SCAPER: variants seen among roughly 807,000 people sequenced by gnomAD.
The protein encoded by SCAPER is S phase cyclin A-associated protein in the endoplasmic reticulum.
Under a neutral mutation model 182.2 loss-of-function variants are expected in SCAPER, and 98 were observed. The observed-to-expected ratio is 0.54, with a 90% CI of 0.46 to 0.64. The LOEUF (loss-of-function observed/expected upper bound fraction) is 0.64, where lower values mean the gene tolerates loss of function less well. SCAPER is among the 30% of genes least tolerant of loss of function. The pLI is 0.00. For missense variants in SCAPER, 1,432 were observed against 1,690.0 expected, an observed-to-expected ratio of 0.85 and a Z score of 2.68; for synonymous variants, 605 against 564.6, an observed-to-expected ratio of 1.07 and a Z score of -1.01.
intron 8 of SCAPER, among the ~76,000 whole-genome samples, chr15:76,787,175 T>A (rs2064672430): frequency 6.6e-6 from 1 of 152,078 alleles, no homozygotes; most frequent in Admixed American, 6.5e-5. Flanking sequence ...GGACCTAAAA[T>A]AGCTAAAAAC....
chr15:76,393,281 G>A (rs1005685613), intron 27 of SCAPER, among the ~76,000 whole-genome samples: 1 of 152,202 alleles, frequency 6.6e-6, no homozygotes, highest in African/African-American at 2.4e-5. Flanking sequence ...ACTCTTGAAT[G>A]CTTGTAGGGA....
chr15:76,586,599 T>A (rs2048675798), intron 22 of SCAPER: 1 of 153,058 alleles, frequency 6.5e-6, no homozygotes, highest in African/African-American at 2.4e-5. Context: ...CATACATATA[T>A]ATGTGTGTAT....
chr15:76,535,771 AG>A (rs2044106338), intron 23 of SCAPER, among the ~76,000 whole-genome samples: 1 of 152,088 alleles, frequency 6.6e-6, no homozygotes, highest in South Asian at 2.1e-4. Flanking sequence ...AGTCTTGTTA[AG>A]GTAGATCAGT....
intron 25 of SCAPER, among the ~76,000 whole-genome samples, chr15:76,466,147 T>C (rs910088053): frequency 1.3e-5 from 2 of 152,126 alleles, no homozygotes; most frequent in African/African-American, 4.8e-5. Flanking sequence ...ACTATTTAAG[T>C]AAACTTTCTG....
intron 26 of SCAPER, among the ~76,000 whole-genome samples, chr15:76,432,949 T>C (rs1179170978): frequency 1.3e-5 from 2 of 152,262 alleles, no homozygotes; most frequent in Non-Finnish European, 2.9e-5. Context: ...GCAAAGCCTC[T>C]ACTACAATAC....
chr15:76,457,305 C>T (rs568009642), intron 25 of SCAPER, among the ~76,000 whole-genome samples: 10 of 152,170 alleles, frequency 6.6e-5, no homozygotes, highest in Non-Finnish European at 1.2e-4. Flanking sequence ...CCTTGTGATC[C>T]GTCGGCCTCG....
chr15:76,528,677 T>C (rs950023255), intron 23 of SCAPER, among the ~76,000 whole-genome samples: 12 of 152,186 alleles, frequency 7.9e-5, no homozygotes, highest in Non-Finnish European at 1.6e-4. Flanking sequence ...CTTAGAAGGT[T>C]TTCTGCTATA....
At chr15:76,781,099 G>C (rs779803965) in intron 8 of SCAPER, among the ~76,000 whole-genome samples, 1 of 152,128 alleles carries the variant, frequency 6.6e-6, no homozygotes, top group African/African-American at 2.4e-5. Flanking sequence ...CAAACTAAAG[G>C]AGCATGTTCT....
Position 76,733,350 on chromosome 15 carries a change from G to A in SCAPER, c.1901C>T (p.Ala634Val). The A allele has an allele frequency of 6.2e-7, 1 of 1,613,400 alleles. No homozygotes were observed. The highest frequency in any genetic ancestry group is 8.5e-7 in the Non-Finnish European group (1 of 1,179,672). ...TAAAACATCATGACGTTTATTCTGG[G>A]CTTCAAGGGTATTTATAAAGGCAAT... ...NEIAFINTLEAQNKRHDVLSK... is the reference protein window; with the variant it reads ...NEIAFINTLEVQNKRHDVLSK... Residue 634 changes from alanine (A) to valine (V), a missense_variant, in exon 16 of 32, where the codon GCC (alanine) becomes GTC (valine). Physicochemically the swap from Ala to Val is moderately conservative, Grantham distance 64. Around this residue, in one of 5 missense-constraint regions of SCAPER, gnomAD observed 88 missense variants for 184.2 expected, o/e 0.48. Transcript: ENST00000563290.
At chr15:76,453,098 T>C (rs1332926240) in intron 25 of SCAPER, among the ~76,000 whole-genome samples, 2 of 152,220 alleles carry the variant, frequency 1.3e-5, no homozygotes, top group African/African-American at 4.8e-5. Context: ...CCTCCTGAGT[T>C]GCTGGGATTA....
chr15:76,770,849 A>C (rs1473213923), intron 10 of SCAPER, among the ~76,000 whole-genome samples: 1 of 152,132 alleles, frequency 6.6e-6, no homozygotes, highest in Non-Finnish European at 1.5e-5. Context: ...TAAAAGACAC[A>C]AGATGAAAAT....
At chr15:76,809,996 T>C (rs1290153750) in intron 5 of SCAPER, among the ~76,000 whole-genome samples, 1 of 152,178 alleles carries the variant, frequency 6.6e-6, no homozygotes, top group African/African-American at 2.4e-5. Flanking sequence ...AAGAAAATTA[T>C]ACCCAGAAAA....
At chr15:76,351,936 TTA>T (rs1207351326) in intron 30 of SCAPER, among the ~76,000 whole-genome samples, 1 of 152,210 alleles carries the variant, frequency 6.6e-6, no homozygotes, top group East Asian at 1.9e-4. Context: ...TTTACAAAAT[TTA>T]TGTTACAGAT....
chr15:76,807,717 T>C (rs2066280200), intron 5 of SCAPER, among the ~76,000 whole-genome samples: 3 of 133,042 alleles, frequency 2.3e-5, no homozygotes, highest in Non-Finnish European at 4.6e-5. Flanking sequence ...CAGAATGTGA[T>C]ATTAACTAAC....
At chr15:76,616,765 A>G (rs888168062) in intron 22 of SCAPER, among the ~76,000 whole-genome samples, 2 of 152,132 alleles carry the variant, frequency 1.3e-5, no homozygotes, top group Non-Finnish European at 2.9e-5. Flanking sequence ...AGGAAGATGT[A>G]TATGGAAATT....
chr15:76,885,264 C>T (rs899799101), intron 1 of SCAPER, among the ~76,000 whole-genome samples: 1 of 152,148 alleles, frequency 6.6e-6, no homozygotes, highest in Non-Finnish European at 1.5e-5. Context: ...AGCCAAAGTC[C>T]TCACAGTAGG....
chr15:76,424,091 A>G (rs2046246966), intron 26 of SCAPER, among the ~76,000 whole-genome samples: 1 of 152,130 alleles, frequency 6.6e-6, no homozygotes, highest in South Asian at 2.1e-4. Flanking sequence ...AAGAATGTAT[A>G]TTCTGTTGAT....
intron 24 of SCAPER, among the ~76,000 whole-genome samples, chr15:76,499,082 A>T (rs1468506220): frequency 6.6e-6 from 1 of 152,216 alleles, no homozygotes; most frequent in Non-Finnish European, 1.5e-5. Flanking sequence ...TGTGATAAGG[A>T]CAATGACCTT....
intron 25 of SCAPER, among the ~76,000 whole-genome samples, chr15:76,462,681 G>A (rs2049283073): frequency 2.0e-5 from 3 of 152,122 alleles, no homozygotes; most frequent in Admixed American, 2.0e-4. Flanking sequence ...TATTTTAGGT[G>A]ATAGTGATAA....
Sources: gnomAD v4.1 joint callset for allele counts (sites outside exome capture counted in the v4.1 genomes callset) on GRCh38, gnomAD v4.1.1 for gene constraint, gnomAD v4.1.1 regional missense constraint, MANE v1.5 for transcripts, NCBI Gene and HGNC (gene_info 2026-07-23, HGNC 2026-07-21) for gene names.